KLF12: variants seen among roughly 807,000 people sequenced by gnomAD.
KLF12 encodes Krueppel-like factor 12.
In KLF12, 9 loss-of-function variants were observed where a neutral mutation model predicts 37.8. The ratio of observed to expected loss-of-function variants is 0.24; its 90% confidence interval spans 0.14 to 0.42. The LOEUF (loss-of-function observed/expected upper bound fraction) is 0.42. KLF12 is among the 10% of genes least tolerant of loss of function. The probability of loss-of-function intolerance (pLI) is 1.00; values close to 1 mark genes in which losing one functional copy is unlikely to be tolerated. For synonymous variants in KLF12, 208 were observed against 202.1 expected (o/e 1.03, Z -0.25); for missense variants, 411 against 516.0 (o/e 0.80, Z 1.97).
At chr13:73,761,351 AAGG>A (rs1355594053) in intron 6 of KLF12, among the ~76,000 whole-genome samples, 1 of 152,164 alleles carries the variant, frequency 6.6e-6, no homozygotes, top group African/African-American at 2.4e-5. Flanking sequence ...GGCAATGAAA[AAGG>A]AGGAGACACA....
intron 1 of KLF12, among the ~76,000 whole-genome samples, chr13:74,002,733 G>A (rs550773737): frequency 6.6e-6 from 1 of 152,264 alleles, no homozygotes; most frequent in South Asian, 2.1e-4. Context: ...ATTGAAGAAG[G>A]TCAACTCAAC....
intron 4 of KLF12, among the ~76,000 whole-genome samples, chr13:73,823,288 G>A (rs904045860): frequency 7.3e-5 from 11 of 151,452 alleles, no homozygotes; most frequent in African/African-American, 2.7e-4. Context: ...AAAAAAAAGA[G>A]CAAAAAATCC....
intron 6 of KLF12, among the ~76,000 whole-genome samples, chr13:73,717,020 C>T (rs574954437): frequency 6.6e-6 from 1 of 152,232 alleles, no homozygotes; most frequent in Non-Finnish European, 1.5e-5. Context: ...TGAACTTTTG[C>T]TGTAAAGGGC....
rs563712375 is a variant in KLF12, at chr13:73,867,519, C to T, written c.124-21146G>A. Among the ~76,000 whole-genome samples the T allele has an allele frequency of 6.0e-5, 9 of 151,194 alleles. No individual in the cohort carries two copies. The South Asian group carries it at 1.9e-3, about 32-fold the overall frequency. On this transcript the variant is annotated intron_variant, in intron 3 of 7. Coordinates refer to ENST00000377669, the MANE Select transcript of KLF12 (RefSeq NM_007249.5). ...AGAACTAAAATGAGTAATAGACAAG[C>T]CTACAAATATAGTGTGAGATTTTAG...
At chr13:74,063,134 C>A (rs1873708588) in intron 1 of KLF12, among the ~76,000 whole-genome samples, 1 of 152,196 alleles carries the variant, frequency 6.6e-6, no homozygotes, top group Non-Finnish European at 1.5e-5. Flanking sequence ...ATAGCTCAGG[C>A]TTGATGACTT....
the KLF12 span, among the ~76,000 whole-genome samples, chr13:74,249,374 A>G: frequency 1.4e-5 from 2 of 144,330 alleles, no homozygotes; most frequent in South Asian, 4.8e-4. Flanking sequence ...ACACACACAC[A>G]CACACGCACA....
the KLF12 span, among the ~76,000 whole-genome samples, chr13:74,210,410 T>A: frequency 6.6e-6 from 1 of 152,200 alleles, no homozygotes; most frequent in African/African-American, 2.4e-5. Flanking sequence ...CTGCTTACCA[T>A]CAAAATTGTC....
At chr13:73,935,300 G>C (rs1378873513) in intron 3 of KLF12, among the ~76,000 whole-genome samples, 1 of 152,032 alleles carries the variant, frequency 6.6e-6, no homozygotes, top group Non-Finnish European at 1.5e-5. Flanking sequence ...ACTTTGGATA[G>C]TTTTTATTGC....
Position 73,734,048 on chromosome 13 carries a change from T to C in KLF12, c.870-18523A>G, listed in dbSNP as rs79706676. ...CGCCACAGTGGCCTCCTAACTGTTCTGGAACATGTCAAATCCATTTCAACT... is the reference window on the plus strand; with the variant it reads ...CGCCACAGTGGCCTCCTAACTGTTCCGGAACATGTCAAATCCATTTCAACT... On this transcript the variant is annotated intron_variant, in intron 6 of 7. Transcript: ENST00000377669. Among the ~76,000 whole-genome samples the C allele has an allele frequency of 6.6e-5, 10 of 152,356 alleles. No individual in the cohort carries two copies. The East Asian group carries it at 1.9e-3, about 29-fold the overall frequency.
intron 1 of KLF12, among the ~76,000 whole-genome samples, chr13:74,052,886 A>G (rs1012115097): frequency 2.0e-5 from 3 of 152,126 alleles, no homozygotes; most frequent in Non-Finnish European, 4.4e-5. Flanking sequence ...CCTGGCTAGT[A>G]GGGTTTTTCC....
intron 2 of KLF12, among the ~76,000 whole-genome samples, chr13:73,985,084 C>T (rs1440077375): frequency 2.0e-5 from 3 of 152,214 alleles, no homozygotes; most frequent in African/African-American, 7.2e-5. Context: ...GCCTTGGCCA[C>T]ATGAAGGCGT....
chr13:73,773,870 C>T (rs573029883), intron 5 of KLF12, among the ~76,000 whole-genome samples: 1 of 152,130 alleles, frequency 6.6e-6, no homozygotes. Context: ...TCACAGCCCC[C>T]CTTACCAGCC....
At chr13:74,234,943 A>AAT in the KLF12 span, among the ~76,000 whole-genome samples, 4 of 134,358 alleles carry the variant, frequency 3.0e-5, no homozygotes, top group African/African-American at 1.4e-4. Context: ...CTGAGTACTC[A>AAT]CTCTCTATCT....
At chr13:74,175,939 G>A in the KLF12 span, among the ~76,000 whole-genome samples, 2 of 152,164 alleles carry the variant, frequency 1.3e-5, no homozygotes, top group South Asian at 4.2e-4. Context: ...TTTATGCCAA[G>A]GATTTTCTGT....
chr13:74,096,731 T>C (rs1345136708), intron 1 of KLF12, among the ~76,000 whole-genome samples: 2 of 152,130 alleles, frequency 1.3e-5, no homozygotes, highest in Non-Finnish European at 2.9e-5. Context: ...AAAATTACCT[T>C]CTAGTATCAT....
intron 1 of KLF12, among the ~76,000 whole-genome samples, chr13:74,017,826 C>A (rs1429645194): frequency 1.3e-5 from 2 of 151,966 alleles, no homozygotes; most frequent in Non-Finnish European, 2.9e-5. Flanking sequence ...GGCGCCCTGG[C>A]ATATCAATGA....
chr13:73,792,582 C>A (rs1437803570), intron 5 of KLF12, among the ~76,000 whole-genome samples: 1 of 151,970 alleles, frequency 6.6e-6, no homozygotes, highest in Admixed American at 6.6e-5. Flanking sequence ...TAAATTATTA[C>A]TAGTTAGAAG....
chr13:73,834,194 C>G (rs748930631), intron 4 of KLF12, among the ~76,000 whole-genome samples: 20 of 152,114 alleles, frequency 1.3e-4, no homozygotes, highest in Non-Finnish European at 2.8e-4. Context: ...ACAATATAAA[C>G]CACATTATAT....
intron 3 of KLF12, among the ~76,000 whole-genome samples, chr13:73,915,118 C>T (rs530563723): frequency 3.5e-4 from 53 of 152,224 alleles, no homozygotes; most frequent in African/African-American, 1.2e-3. Context: ...TGCTGGTATT[C>T]CCTGGCTCCT....
Sources: allele counts gnomAD v4.1 joint callset (sites outside exome capture counted in the v4.1 genomes callset), GRCh38; gene constraint gnomAD v4.1.1; transcripts MANE v1.5; gene names NCBI Gene and HGNC (gene_info 2026-07-23, HGNC 2026-07-21).